Variants in DAB1 observed in about 807,000 individuals in gnomAD.
The protein encoded by DAB1 is disabled homolog 1.
A neutral mutation model predicts 64.6 loss-of-function variants in DAB1; 15 were observed. That is an observed-to-expected ratio of 0.23 (90% confidence interval 0.16 to 0.36). DAB1 has a LOEUF of 0.36. Among genes scored for constraint, DAB1 ranks in the 10% least tolerant of loss-of-function variants. The probability of loss-of-function intolerance (pLI) is 1.00; values close to 1 mark genes in which losing one functional copy is unlikely to be tolerated. For synonymous variants in DAB1, 235 were observed against 251.9 expected (o/e 0.93, Z 0.64); for missense variants, 596 against 706.7 (o/e 0.84, Z 1.78).
intron 7 of DAB1, chr1:57,606,317 C>T (rs112558844): frequency 0.03 from 4,262 of 143,968 alleles, 219 homozygotes; most frequent in African/African-American, 0.1. Flanking sequence ...ACCGCATCAT[C>T]CTCAAAGAGC....
intron 3 of DAB1, among the ~76,000 whole-genome samples, chr1:58,376,073 T>C (rs1482793689): frequency 1.3e-5 from 2 of 152,110 alleles, no homozygotes; most frequent in Non-Finnish European, 2.9e-5. Context: ...TCTTCTCTCT[T>C]TTTTTCTTTG....
chr1:57,814,549 T>C (rs1334266675), intron 6 of DAB1, among the ~76,000 whole-genome samples: 2 of 152,174 alleles, frequency 1.3e-5, no homozygotes, highest in South Asian at 2.1e-4. Context: ...GCAAAGAGCA[T>C]GTATGAGCTA....
At chr1:57,453,121 A>C (rs1686452925) in intron 7 of DAB1, among the ~76,000 whole-genome samples, 1 of 152,146 alleles carries the variant, frequency 6.6e-6, no homozygotes, top group African/African-American at 2.4e-5. Context: ...GAAGATACAG[A>C]CATGGATCAA....
At chr1:57,413,014 A>C (rs1684230194) in intron 1 of DAB1, among the ~76,000 whole-genome samples, 1 of 152,220 alleles carries the variant, frequency 6.6e-6, no homozygotes, top group African/African-American at 2.4e-5. Context: ...GTTAGGGGTG[A>C]ATGCAGCTGG....
At chr1:58,030,485 C>A (rs1353020951) in intron 5 of DAB1, among the ~76,000 whole-genome samples, 1 of 152,202 alleles carries the variant, frequency 6.6e-6, no homozygotes, top group Non-Finnish European at 1.5e-5. Context: ...ATGAACAGAG[C>A]CACAGATTAA....
chr1:58,168,388 G>A (rs778953240), intron 4 of DAB1, among the ~76,000 whole-genome samples: 28 of 152,104 alleles, frequency 1.8e-4, no homozygotes, highest in Non-Finnish European at 1.5e-4. Flanking sequence ...AAACTTGCCC[G>A]TCTATGCTAT....
chr1:57,725,473 C>CT (rs1421487722), intron 6 of DAB1, among the ~76,000 whole-genome samples: 9 of 152,084 alleles, frequency 5.9e-5, no homozygotes, highest in African/African-American at 1.9e-4. Flanking sequence ...TTCAGAGATA[C>CT]TACTTATACT....
chr1:58,206,308 T>A lies in DAB1; in HGVS notation n.310-55720A>T, dbSNP rs1658280070. On this transcript the variant is annotated intron_variant and non_coding_transcript_variant, in intron 4 of 20. Transcript: ENST00000485760. ...TTCTGATTAGGCAATCAGATATGCA[T>A]TTATCTCAGTGAGCAGAGGGATGAA... is the stretch of plus-strand genomic sequence containing the variant. Among the ~76,000 whole-genome samples the A allele has an allele frequency of 2.0e-5, 3 of 152,220 alleles. No individual in the cohort carries two copies. In the South Asian group the frequency reaches 6.2e-4, roughly 31 times the overall value.
At chr1:58,409,926 A>G (rs1644650840) in intron 3 of DAB1, among the ~76,000 whole-genome samples, 1 of 152,152 alleles carries the variant, frequency 6.6e-6, no homozygotes, top group East Asian at 1.9e-4. Context: ...ACAGGCAGCA[A>G]AGCACTGGTT....
intron 3 of DAB1, among the ~76,000 whole-genome samples, chr1:58,409,706 T>G (rs1366719698): frequency 6.6e-6 from 1 of 152,102 alleles, no homozygotes; most frequent in Non-Finnish European, 1.5e-5. Context: ...TTCCATGGAG[T>G]TATATGATCA....
chr1:58,185,324 GA>G (rs1220558493), intron 4 of DAB1, among the ~76,000 whole-genome samples: 1 of 152,130 alleles, frequency 6.6e-6, no homozygotes, highest in Non-Finnish European at 1.5e-5. Context: ...GTGTGCTGAG[GA>G]AACATACACA....
intron 4 of DAB1, among the ~76,000 whole-genome samples, chr1:58,299,783 T>G (rs1186661078): frequency 6.6e-6 from 1 of 152,178 alleles, no homozygotes; most frequent in Non-Finnish European, 1.5e-5. Flanking sequence ...GCTCAGAGTA[T>G]GTAGGGCCTG....
intron 7 of DAB1, among the ~76,000 whole-genome samples, chr1:57,443,981 C>A (rs1241734731): frequency 6.6e-6 from 1 of 152,166 alleles, no homozygotes; most frequent in Non-Finnish European, 1.5e-5. Flanking sequence ...TTTTTAAAAT[C>A]TTGATGAAGT....
chr1:58,107,323 T>G (rs1023293823), intron 5 of DAB1, among the ~76,000 whole-genome samples: 13 of 141,660 alleles, frequency 9.2e-5, no homozygotes, highest in Non-Finnish European at 1.5e-4. Context: ...AAAAAAAAAG[T>G]AGCTGGGCGT....
chr1:57,071,672 A>G, intron 5 of DAB1, 31 bp from the exon 6 acceptor site: 1 of 1,608,382 alleles, frequency 6.2e-7, no homozygotes, highest in Non-Finnish European at 8.5e-7. Flanking sequence ...GCACATCATA[A>G]GGGAATGGTA....
chr1:58,397,491 G>C (rs1020542082), intron 3 of DAB1, among the ~76,000 whole-genome samples: 1 of 151,306 alleles, frequency 6.6e-6, no homozygotes, highest in Non-Finnish European at 1.5e-5. Context: ...TCCCTGAGAG[G>C]GTTCTATCTC....
At chr1:57,244,786 G>A (rs928214474) in intron 2 of DAB1, among the ~76,000 whole-genome samples, 2 of 152,110 alleles carry the variant, frequency 1.3e-5, no homozygotes, top group African/African-American at 2.4e-5. Flanking sequence ...ATTATCTGGA[G>A]GAAAAAATGC....
At chr1:58,545,226 C>A (rs1395193939) in intron 1 of DAB1, among the ~76,000 whole-genome samples, 2 of 152,196 alleles carry the variant, frequency 1.3e-5, no homozygotes, top group Non-Finnish European at 2.9e-5. Flanking sequence ...CACTGCTTAG[C>A]TCTGCACATG....
intron 6 of DAB1, among the ~76,000 whole-genome samples, chr1:57,779,003 C>G (rs1649945778): frequency 6.6e-6 from 1 of 151,864 alleles, no homozygotes; most frequent in Non-Finnish European, 1.5e-5. Context: ...GAATCAGTAG[C>G]AAAGACCAAG....
Sources: allele counts gnomAD v4.1 joint callset (sites outside exome capture counted in the v4.1 genomes callset), GRCh38; gene constraint gnomAD v4.1.1; transcripts MANE v1.5; gene names NCBI Gene and HGNC (gene_info 2026-07-23, HGNC 2026-07-21).